The following GRAMD1B variants were observed in gnomAD, a reference collection of about 807,000 sequenced individuals.
GRAMD1B encodes protein Aster-B.
GRAMD1B carries 37 observed loss-of-function variants against 99.7 expected under a neutral mutation model. The ratio of observed to expected loss-of-function variants is 0.37; its 90% confidence interval spans 0.29 to 0.49. GRAMD1B has a LOEUF of 0.49. Among genes scored for constraint, GRAMD1B ranks in the 20% least tolerant of loss-of-function variants. The probability of loss-of-function intolerance (pLI) is 0.98; values close to 1 mark genes in which losing one functional copy is unlikely to be tolerated. For synonymous variants in GRAMD1B, 427 were observed against 387.6 expected (o/e 1.10, Z -1.19); for missense variants, 888 against 1,009.2 (o/e 0.88, Z 1.63).
Position 123,558,314 on chromosome 11 carries a change from A to G in GRAMD1B, c.453-19053A>G, listed in dbSNP as rs572134910. On this transcript the variant is annotated intron_variant, in intron 2 of 19. Coordinates refer to ENST00000635736, the MANE Select transcript of GRAMD1B (RefSeq NM_001387025.1). ...ATATTTACTGAATATGTGTGTACCC[A>G]GTACTCCTACATGCTGGAGGGACAT... 2.6e-5 allele frequency among the ~76,000 whole-genome samples: 4 copies of G among 152,232 alleles called. No individual in the cohort carries two copies. In the East Asian group the frequency reaches 7.7e-4, roughly 29 times the overall value.
rs576495205 is a variant in GRAMD1B at position 123,440,381 on chromosome 11, G to T, written c.374+9215G>T. Among the ~76,000 whole-genome samples, 4 of 152,186 alleles carry T rather than the reference G, an allele frequency of 2.6e-5. No individual in the cohort carries two copies. In the South Asian group the frequency reaches 8.3e-4, roughly 32 times the overall value. Reference sequence around the variant, plus strand: ...AAAAATTAGCCAGGCATGATGGTGGGTGCCTGTAATCCCAGCTACTCGGGA... The same window carrying T: ...AAAAATTAGCCAGGCATGATGGTGGTTGCCTGTAATCCCAGCTACTCGGGA... On this transcript the variant is annotated intron_variant, in intron 1 of 19. Transcript: ENST00000635736.
upstream of GRAMD1B, among the ~76,000 whole-genome samples, chr11:123,426,523 G>GC (rs1436623988): frequency 1.3e-5 from 2 of 152,152 alleles, no homozygotes; most frequent in African/African-American, 2.4e-5. Context: ...CAGCTTCCCT[G>GC]CCAGCCTCAA....
chr11:123,618,339 C>A (rs1208335415), intron 17 of GRAMD1B: 1 of 1,612,650 alleles, frequency 6.2e-7, no homozygotes, highest in East Asian at 2.2e-5. Context: ...TCCTTGCTCC[C>A]ATTAGGATCT....
intron 2 of GRAMD1B, among the ~76,000 whole-genome samples, chr11:123,505,858 C>G (rs1008259980): frequency 5.9e-5 from 9 of 152,190 alleles, no homozygotes; most frequent in African/African-American, 2.2e-4. Flanking sequence ...CTTTCTTTCT[C>G]TCCCTCTCTT....
chr11:123,454,388 G>A (rs982879636), intron 1 of GRAMD1B: 2 of 152,098 alleles, frequency 1.3e-5, no homozygotes, highest in African/African-American at 4.8e-5. Flanking sequence ...TTGTTTTTTC[G>A]TCATTGCCAG....
At chr11:123,609,349 G>A (rs1953210138) in intron 12 of GRAMD1B, among the ~76,000 whole-genome samples, 1 of 152,114 alleles carries the variant, frequency 6.6e-6, no homozygotes, top group South Asian at 2.1e-4. Flanking sequence ...TCTTCCCACA[G>A]CAGGGACCTC....
intron 4 of GRAMD1B, among the ~76,000 whole-genome samples, chr11:123,584,932 G>A (rs1363576600): frequency 6.6e-6 from 1 of 152,180 alleles, no homozygotes. Context: ...ACTGTTGTGG[G>A]GTAAGCAGGC....
intron 2 of GRAMD1B, among the ~76,000 whole-genome samples, chr11:123,535,786 C>T (rs138844749): frequency 6.6e-5 from 10 of 152,188 alleles, no homozygotes; most frequent in East Asian, 3.9e-4. Context: ...ATTGCCTATA[C>T]GTGTGAGGCC....
chr11:123,481,040 GA>G, intron 2 of GRAMD1B, 147 bp downstream of exon 2: 1 of 395,820 alleles, frequency 2.5e-6, no homozygotes, highest in East Asian at 3.6e-5. Context: ...GTGCTTGACT[GA>G]TTAGAAAGAC....
chr11:123,396,118 T>C (rs139351060), intron 1 of GRAMD1B, among the ~76,000 whole-genome samples: 2 of 152,032 alleles, frequency 1.3e-5, no homozygotes, highest in South Asian at 2.1e-4. Flanking sequence ...TTGGCTTCCC[T>C]GACCCACCAG....
At chr11:123,619,394 G>T (rs1485055895) in intron 19 of GRAMD1B, 170 bp downstream of exon 19, 1 of 1,485,602 alleles carries the variant, frequency 6.7e-7, no homozygotes, top group Admixed American at 2.1e-5. Context: ...CCTTGAGTGG[G>T]CTGCTAGAAA....
intron 2 of GRAMD1B, among the ~76,000 whole-genome samples, chr11:123,484,335 A>G (rs1046938235): frequency 6.6e-6 from 1 of 152,174 alleles, no homozygotes; most frequent in Admixed American, 6.5e-5. Flanking sequence ...CCCCAAGGAC[A>G]TAGCTGCTTG....
At chr11:123,475,694 C>G (rs182640669) in intron 1 of GRAMD1B, among the ~76,000 whole-genome samples, 3 of 152,342 alleles carry the variant, frequency 2.0e-5, no homozygotes, top group African/African-American at 7.2e-5. Context: ...TTCCAACAGA[C>G]AGTTTCATCT....
At chr11:123,539,892 A>T (rs1236578846) in intron 2 of GRAMD1B, among the ~76,000 whole-genome samples, 1 of 152,046 alleles carries the variant, frequency 6.6e-6, no homozygotes, top group African/African-American at 2.4e-5. Context: ...TAGTTTCAGT[A>T]CCTCCTCCTT....
intron 2 of GRAMD1B, among the ~76,000 whole-genome samples, chr11:123,563,512 T>C (rs1947021291): frequency 6.6e-6 from 1 of 151,316 alleles, no homozygotes; most frequent in East Asian, 1.9e-4. Flanking sequence ...TTTTCTTTTT[T>C]TTTTTTTTCT....
At chr11:123,502,645 C>T (rs1054593518) in intron 2 of GRAMD1B, among the ~76,000 whole-genome samples, 24 of 151,892 alleles carry the variant, frequency 1.6e-4, no homozygotes, top group African/African-American at 3.1e-4. Context: ...TGTGGAAGTG[C>T]GTGCCTGTAA....
chr11:123,518,168 C>G (rs1282312807), intron 2 of GRAMD1B, among the ~76,000 whole-genome samples: 2 of 152,124 alleles, frequency 1.3e-5, no homozygotes, highest in African/African-American at 4.8e-5. Flanking sequence ...GGGCTCTTAC[C>G]TCCTTGGGGC....
chr11:123,430,982 C>T lies in GRAMD1B; in HGVS notation c.190C>T (p.Leu64=), dbSNP rs1038728490. ...CCTGGAGGCCGGGCTGGCCCGGGAC[C>T]TGCCCGCCGTCTTGGCCCCCGGCAA... ...QSLEAGLARD[L]PAVLAPGKEF... is the part of the protein sequence containing the mutation. The change falls in exon 1 of 20, where the codon CTG becomes TTG. Residue 64 remains leucine (L), a synonymous_variant. Coordinates refer to ENST00000635736, the MANE Select transcript of GRAMD1B (RefSeq NM_001387025.1). 12 of 702,780 alleles carry T rather than the reference C, an allele frequency of 1.7e-5. No individual in the cohort carries two copies. Among genetic ancestry groups the T allele is most frequent in the African/African-American group, 3.5e-5 (2 of 57,286 alleles). 43.5% of individuals were successfully genotyped at this position (702,780 alleles called of 1,614,324 possible).
At chr11:123,518,606 C>T (rs767122901) in intron 2 of GRAMD1B, among the ~76,000 whole-genome samples, 25 of 152,176 alleles carry the variant, frequency 1.6e-4, no homozygotes, top group Non-Finnish European at 1.5e-4. Flanking sequence ...CCTTATAGAG[C>T]GGCTAGCAAT....
Sources: allele counts gnomAD v4.1 joint callset (sites outside exome capture counted in the v4.1 genomes callset), GRCh38; gene constraint gnomAD v4.1.1; transcripts MANE v1.5; gene names NCBI Gene and HGNC (gene_info 2026-07-23, HGNC 2026-07-21).